Variants in NRG4 observed in about 807,000 individuals in gnomAD.
NRG4 encodes pro-neuregulin-4, membrane-bound isoform.
A neutral mutation model predicts 15.0 loss-of-function variants in NRG4; 10 were observed. The observed-to-expected ratio is 0.67, with a 90% CI of 0.41 to 1.13. The LOEUF is 1.13. Among genes scored for constraint, NRG4 ranks in the 50% most tolerant of loss-of-function variants. The pLI, the probability that NRG4 is intolerant of heterozygous loss-of-function variation, is 0.00. For synonymous variants in NRG4, 41 were observed against 50.1 expected (o/e 0.82, Z 0.77); for missense variants, 139 against 140.2 (o/e 0.99, Z 0.04).
chr15:76,006,471 T>C (rs926209730), intron 3 of NRG4, among the ~76,000 whole-genome samples: 1 of 152,208 alleles, frequency 6.6e-6, no homozygotes, highest in Non-Finnish European at 1.5e-5. Flanking sequence ...AGTCACTATT[T>C]TTTTTATCCT....
intron 2 of NRG4, chr15:76,053,161 G>A (rs964417676): frequency 1.3e-5 from 2 of 150,992 alleles, no homozygotes; most frequent in African/African-American, 4.9e-5. Flanking sequence ...ACTGGAGCTG[G>A]AACTCTGGAA....
At chr15:76,009,985 C>T (rs1301181542) in intron 2 of NRG4, among the ~76,000 whole-genome samples, 2 of 152,024 alleles carry the variant, frequency 1.3e-5, no homozygotes, top group South Asian at 4.2e-4. Context: ...CTTCTTTTCT[C>T]TCTTTCCTCT....
intron 2 of NRG4, among the ~76,000 whole-genome samples, chr15:76,009,669 A>G (rs776022758): frequency 5.4e-4 from 82 of 152,156 alleles, no homozygotes; most frequent in Non-Finnish European, 2.1e-4. Context: ...CCAAGAATTT[A>G]TTTAAATTCT....
chr15:76,017,950 C>T (rs2035035214), intron 5 of NRG4, among the ~76,000 whole-genome samples: 1 of 152,166 alleles, frequency 6.6e-6, no homozygotes, highest in South Asian at 2.1e-4. Flanking sequence ...CTCCCTTTCA[C>T]TTTTAGGTAC....
intron 3 of NRG4, among the ~76,000 whole-genome samples, chr15:76,001,961 G>A (rs1042769021): frequency 1.3e-5 from 2 of 152,158 alleles, no homozygotes; most frequent in Non-Finnish European, 2.9e-5. Flanking sequence ...GCTCCAAAGT[G>A]CGTAACTTTC....
At chr15:75,992,885 T>G (rs2034072221) in intron 3 of NRG4, among the ~76,000 whole-genome samples, 1 of 152,116 alleles carries the variant, frequency 6.6e-6, no homozygotes, top group Non-Finnish European at 1.5e-5. Flanking sequence ...ATATACTACA[T>G]TTTATTTATA....
chr15:76,044,933 G>A (rs548321173), intron 4 of NRG4, among the ~76,000 whole-genome samples: 1 of 149,170 alleles, frequency 6.7e-6, no homozygotes, highest in East Asian at 1.9e-4. Context: ...CAAGTTAAAA[G>A]GTTTCTACAC....
intron 5 of NRG4, among the ~76,000 whole-genome samples, chr15:75,944,539 C>T (rs752362689): frequency 3.9e-5 from 6 of 152,126 alleles, no homozygotes; most frequent in Non-Finnish European, 7.4e-5. Context: ...ATAAACCTAT[C>T]GATGAAGTAA....
At chr15:76,040,855 G>A (rs555998511) in intron 4 of NRG4, among the ~76,000 whole-genome samples, 2 of 152,290 alleles carry the variant, frequency 1.3e-5, no homozygotes, top group Admixed American at 1.3e-4. Context: ...AACCCAGGAG[G>A]CAGAGGTTGA....
At position 76,033,835 on chromosome 15, in the gene NRG4, G is replaced by T. The variant is rs547402204; in HGVS notation, c.-57+2109C>A. Among the ~76,000 whole-genome samples, 7 of 152,300 alleles carry T rather than the reference G, an allele frequency of 4.6e-5. No individual in the cohort carries two copies. In the South Asian group the frequency reaches 1.2e-3, roughly 27 times the overall value. On this transcript the variant is annotated intron_variant, in intron 5 of 8. Coordinates refer to the NRG4 transcript ENST00000563910. ...TTATCAGAAAAGAGGAAAGCCTTCC[G>T]TGAAGTCCCCCAGCAGACTCATGGA...
chr15:75,984,035 T>C lies in NRG4; in HGVS notation c.105-22061A>G, dbSNP rs187982455. On this transcript the variant is annotated intron_variant, in intron 3 of 5. Coordinates refer to ENST00000394907, the MANE Select transcript of NRG4 (RefSeq NM_138573.4). ...AAAATGATAAAAGTTCCTGAAAAAATACATGGCAGGGGAGAGACGAACAGG... is the reference window on the plus strand; with the variant it reads ...AAAATGATAAAAGTTCCTGAAAAAACACATGGCAGGGGAGAGACGAACAGG... Among the ~76,000 whole-genome samples, 16 of 152,102 alleles carry C rather than the reference T, an allele frequency of 1.1e-4. No homozygotes were observed. In the East Asian group the frequency reaches 2.9e-3, roughly 27 times the overall value.
intron 4 of NRG4, among the ~76,000 whole-genome samples, chr15:76,036,163 A>C (rs1447055106): frequency 1.3e-5 from 2 of 152,216 alleles, no homozygotes; most frequent in African/African-American, 4.8e-5. Context: ...TAAGACAAAA[A>C]GACTGAGTCA....
chr15:76,028,540 T>G (rs377063262), intron 5 of NRG4, among the ~76,000 whole-genome samples: 26 of 151,958 alleles, frequency 1.7e-4, no homozygotes, highest in African/African-American at 6.3e-4. Context: ...GACTTCACCA[T>G]TGAACTGTAA....
At chr15:75,951,142 CTTCTTTTCTTTTTCTTTTTTCTTTT>C (rs917624550) in intron 5 of NRG4, 2 of 126,538 alleles carry the variant, frequency 1.6e-5, no homozygotes, top group Non-Finnish European at 3.4e-5. Context: ...TGGGTGGGTT[CTTCTTTTCTTTTTCTTTTTTCTTTT>C]TTTTTTTTTT....
chr15:75,939,996 C>T (rs543993948), downstream of NRG4: 4 of 152,026 alleles, frequency 2.6e-5, no homozygotes, highest in South Asian at 8.3e-4. Flanking sequence ...CAACACAGTA[C>T]TAGGAGTTCT....
At chr15:75,981,706 C>A (rs189866432) in intron 3 of NRG4, among the ~76,000 whole-genome samples, 21 of 152,236 alleles carry the variant, frequency 1.4e-4, no homozygotes, top group African/African-American at 5.1e-4. Context: ...AAATACCTGT[C>A]AAATGGTCGT....
At chr15:76,000,692 T>C (rs2034380921) in intron 3 of NRG4, among the ~76,000 whole-genome samples, 1 of 152,206 alleles carries the variant, frequency 6.6e-6, no homozygotes, top group African/African-American at 2.4e-5. Context: ...AATTGTATAA[T>C]TTCATACATG....
chr15:75,968,708 C>G (rs1209464032), intron 3 of NRG4, among the ~76,000 whole-genome samples: 1 of 151,902 alleles, frequency 6.6e-6, no homozygotes, highest in African/African-American at 2.4e-5. Context: ...TGAGACCAGC[C>G]TGGGCAACAT....
At chr15:75,949,882 T>C (rs1280585543) in intron 5 of NRG4, among the ~76,000 whole-genome samples, 1 of 152,244 alleles carries the variant, frequency 6.6e-6, no homozygotes, top group Non-Finnish European at 1.5e-5. Flanking sequence ...AAATCAATTG[T>C]GGTCTATCTG....
Sources: allele counts gnomAD v4.1 joint callset (sites outside exome capture counted in the v4.1 genomes callset), GRCh38; gene constraint gnomAD v4.1.1; transcripts MANE v1.5; gene names NCBI Gene and HGNC (gene_info 2026-07-23, HGNC 2026-07-21).